The following ASXL3 variants were observed in gnomAD, a reference collection of about 807,000 sequenced individuals.
ASXL3 encodes the protein ASXL transcriptional regulator 3.
Under a neutral mutation model 170.6 loss-of-function variants are expected in ASXL3, and 34 were observed. That is an observed-to-expected ratio of 0.20 (90% CI 0.15 to 0.27). ASXL3 has a LOEUF of 0.27. Among genes scored for constraint, ASXL3 ranks in the 10% least tolerant of loss-of-function variants. The probability of loss-of-function intolerance (pLI) is 1.00; values close to 1 mark genes in which losing one functional copy is unlikely to be tolerated. For missense variants in ASXL3, 2,592 were observed against 2,695.3 expected, an observed-to-expected ratio of 0.96 and a Z score of 0.85; for synonymous variants, 1,002 against 989.1, an observed-to-expected ratio of 1.01 and a Z score of -0.24.
Position 33,746,221 on chromosome 18 carries a change from T to C in ASXL3, c.6373T>C (p.Tyr2125His). The C allele has an allele frequency of 1.2e-6, 2 of 1,613,946 alleles. No individual in the cohort carries two copies. The highest frequency in any genetic ancestry group is 1.7e-5 in the Admixed American group (1 of 60,018). Residue 2125 changes from tyrosine to histidine, a missense_variant, in exon 12 of 12, where the codon TAT becomes CAT. By Grantham distance (83) the Tyr-to-His change is moderately conservative. Coordinates refer to ENST00000269197, the MANE Select transcript of ASXL3 (RefSeq NM_030632.3). The stretch of plus-strand genomic sequence containing the variant: ...GCTAAAAAGTGCAGATTTCTCTTCC[T>C]ATTTGCTTTCTGAGCCACAAAAGCC... ...FALKSADFSS[Y>H]LLSEPQKPFT... is the part of the protein sequence containing the mutation.
intron 8 of ASXL3, among the ~76,000 whole-genome samples, chr18:33,722,387 C>T (rs1292601337): frequency 6.6e-6 from 1 of 152,116 alleles, no homozygotes; most frequent in Non-Finnish European, 1.5e-5. Flanking sequence ...AAAAGTGCTA[C>T]TGCACTGAAC....
chr18:33,722,785 A>G (rs2067285220), intron 8 of ASXL3, among the ~76,000 whole-genome samples: 1 of 152,168 alleles, frequency 6.6e-6, no homozygotes, highest in Non-Finnish European at 1.5e-5. Context: ...TTGGGCTTTT[A>G]TAGCTAGAGA....
At chr18:33,734,596 A>G (rs1230716944) in intron 10 of ASXL3, among the ~76,000 whole-genome samples, 181 bp downstream of exon 10, 4 of 152,186 alleles carry the variant, frequency 2.6e-5, no homozygotes, top group African/African-American at 9.6e-5. Context: ...AAATTTTTAA[A>G]AAATGCATTT....
intron 8 of ASXL3, among the ~76,000 whole-genome samples, chr18:33,728,188 T>C (rs934909722): frequency 2.6e-5 from 4 of 152,180 alleles, no homozygotes; most frequent in African/African-American, 9.6e-5. Flanking sequence ...GGCAGTACAA[T>C]AAACTTTTAT....
chr18:33,731,872 A>G, intron 8 of ASXL3, 96 bp from the exon 9 acceptor site: 1 of 828,072 alleles, frequency 1.2e-6, no homozygotes, highest in Non-Finnish European at 2.0e-6. Flanking sequence ...TCACACATAC[A>G]CTGCCCAACA....
At position 33,618,470 on chromosome 18, in the gene ASXL3, G is replaced by T. The variant is rs550279426; in HGVS notation, c.137+10794G>T. ...ATCACAGAAATTAGAGGACCTCAGA[G>T]AAATTAAGATAAAGTTGTGGAGATG... On this transcript the variant is annotated intron_variant, in intron 2 of 11. Coordinates refer to ENST00000269197, the MANE Select transcript of ASXL3 (RefSeq NM_030632.3). 6.2e-4 allele frequency among the ~76,000 whole-genome samples: 95 copies of T among 152,050 alleles called. 1 individual carries two copies. Among genetic ancestry groups the T allele is most frequent in the Non-Finnish European group, 1.2e-3 (83 of 67,986 alleles).
chr18:33,610,161 T>G (rs2065311876), intron 2 of ASXL3, among the ~76,000 whole-genome samples: 1 of 152,080 alleles, frequency 6.6e-6, no homozygotes, highest in African/African-American at 2.4e-5. Context: ...TTAAATGTTT[T>G]CCAAATATTT....
intron 8 of ASXL3, among the ~76,000 whole-genome samples, chr18:33,728,658 T>C (rs2067388367): frequency 1.3e-5 from 2 of 152,168 alleles, no homozygotes; most frequent in Non-Finnish European, 2.9e-5. Context: ...CTTTAATGTC[T>C]CCTGAAATGT....
intron 1 of ASXL3, among the ~76,000 whole-genome samples, chr18:33,586,024 G>A (rs868436169): frequency 2.0e-5 from 3 of 152,014 alleles, no homozygotes; most frequent in Middle Eastern, 3.2e-3. Flanking sequence ...ACTTATAGAA[G>A]GCAATAGGAT....
At chr18:33,689,976 C>T (rs543285952) in intron 8 of ASXL3, among the ~76,000 whole-genome samples, 3 of 152,124 alleles carry the variant, frequency 2.0e-5, no homozygotes, top group Non-Finnish European at 2.9e-5. Flanking sequence ...CAAGAGCCCA[C>T]TAAAGCTGGC....
intron 2 of ASXL3, among the ~76,000 whole-genome samples, chr18:33,609,695 A>G (rs1019847031): frequency 3.9e-5 from 6 of 151,944 alleles, no homozygotes. Flanking sequence ...CCACTACATC[A>G]CTATTTGTCC....
chr18:33,695,943 G>C (rs1309109735), intron 8 of ASXL3, among the ~76,000 whole-genome samples: 4 of 152,064 alleles, frequency 2.6e-5, no homozygotes, highest in Non-Finnish European at 5.9e-5. Flanking sequence ...TTAGCTGCCA[G>C]TTTATGCAGG....
intron 7 of ASXL3, among the ~76,000 whole-genome samples, chr18:33,681,408 CA>C (rs1021192390): frequency 2.0e-5 from 3 of 151,922 alleles, no homozygotes; most frequent in Non-Finnish European, 4.4e-5. Context: ...TTTAGGATAC[CA>C]AAAACATTCT....
chr18:33,718,822 A>G (rs1044280894), intron 8 of ASXL3, among the ~76,000 whole-genome samples: 18 of 151,550 alleles, frequency 1.2e-4, no homozygotes, highest in East Asian at 5.8e-4. Flanking sequence ...TCCATTTTCT[A>G]TTGGCTATAA....
chr18:33,616,762 T>C (rs984528057), intron 2 of ASXL3: 3 of 152,198 alleles, frequency 2.0e-5, no homozygotes, highest in Admixed American at 1.3e-4. Flanking sequence ...GCTGGCTGCC[T>C]TCTTGCTGTG....
intron 4 of ASXL3, among the ~76,000 whole-genome samples, chr18:33,647,676 T>C (rs1027248003): frequency 2.6e-5 from 4 of 152,086 alleles, no homozygotes; most frequent in African/African-American, 9.7e-5. Context: ...TCTCTCAACA[T>C]ATATACTGAG....
At chr18:33,651,031 T>G (rs2065989268) in intron 4 of ASXL3, among the ~76,000 whole-genome samples, 1 of 152,060 alleles carries the variant, frequency 6.6e-6, no homozygotes, top group Non-Finnish European at 1.5e-5. Context: ...CAAGCCCAGG[T>G]GTGACACCAA....
intron 2 of ASXL3, among the ~76,000 whole-genome samples, chr18:33,611,472 A>G (rs535947793): frequency 6.6e-6 from 1 of 152,050 alleles, no homozygotes; most frequent in East Asian, 1.9e-4. Flanking sequence ...GATTCTGAGT[A>G]TTTTTAGGGC....
At chr18:33,629,807 ATACT>A (rs1176616534) in intron 2 of ASXL3, among the ~76,000 whole-genome samples, 1 of 152,094 alleles carries the variant, frequency 6.6e-6, no homozygotes, top group Non-Finnish European at 1.5e-5. Context: ...AACAAAAGTA[ATACT>A]TACATAACTG....
Sources: allele counts gnomAD v4.1 joint callset (sites outside exome capture counted in the v4.1 genomes callset), GRCh38; gene constraint gnomAD v4.1.1; transcripts MANE v1.5; gene names NCBI Gene and HGNC (gene_info 2026-07-23, HGNC 2026-07-21).